SOAT2: variants seen among roughly 807,000 people sequenced by gnomAD.
SOAT2 encodes the protein ACAT-2.
In SOAT2, 87 loss-of-function variants were observed where a neutral mutation model predicts 76.0. The observed-to-expected ratio is 1.14, with a 90% confidence interval of 0.96 to 1.37. The LOEUF is 1.37. SOAT2 is among the 40% of genes most tolerant of loss of function. SOAT2 has a pLI of 0.00. For missense variants in SOAT2, 686 were observed against 682.1 expected, an observed-to-expected ratio of 1.01 and a Z score of -0.06; for synonymous variants, 285 against 275.4, an observed-to-expected ratio of 1.03 and a Z score of -0.34.
At chr12:53,104,969 C>T (rs1937906392) in intron 2 of SOAT2, 138 bp from the exon 3 acceptor site, 1 of 985,294 alleles carries the variant, frequency 1.0e-6, no homozygotes. Flanking sequence ...AACCCCCATC[C>T]CTGCTGACCC....
intron 10 of SOAT2, among the ~76,000 whole-genome samples, chr12:53,120,229 G>A (rs1938169106): frequency 6.6e-6 from 1 of 152,144 alleles, no homozygotes; most frequent in Non-Finnish European, 1.5e-5. Flanking sequence ...CAGCACTTTG[G>A]GAGGCTAAGG....
In SOAT2 at chr12:53,121,354, G is replaced by A; in HGVS notation, c.1189G>A (p.Val397Met). Residue 397 changes from valine to methionine, a missense_variant, in exon 12 of 15, where the codon GTG (valine) becomes ATG (methionine). Transcript: ENST00000301466. ...FSNYYRTWNV[V>M]VHDWLYSYVY... ...CAACTACTACCGCACTTGGAACGTG[G>A]TGGTCCATGACTGGCTGTACAGCTA... is the stretch of plus-strand genomic sequence containing the variant. 1 of 1,614,188 alleles carries A rather than the reference G, an allele frequency of 6.2e-7. No individual in the cohort carries two copies. The highest frequency in any genetic ancestry group is 1.3e-5 in the African/African-American group (1 of 75,050).
chr12:53,115,715 A>G, intron 6 of SOAT2, 61 bp downstream of exon 6: 1 of 1,445,914 alleles, frequency 6.9e-7, no homozygotes, highest in Non-Finnish European at 9.1e-7. Flanking sequence ...ATCTCAGCAG[A>G]GGGGGAGTCC....
rs773548415 is a variant in SOAT2, at chr12:53,103,677, G to C, written c.82+18G>C. On this transcript the variant is annotated intron_variant, in intron 1 of 14. Coordinates refer to ENST00000301466, the MANE Select transcript of SOAT2 (RefSeq NM_003578.4). ...TGGAGATGGTGAGCCGCCCTCGGGG[G>C]TGCAGAAGGCACAGGCAAGTGGGGG... The C allele has an allele frequency of 1.3e-6, 2 of 1,509,224 alleles. No individual in the cohort carries two copies. The highest frequency in any genetic ancestry group is 2.8e-5 in the African/African-American group (2 of 72,218). 93.5% of individuals were successfully genotyped at this position (1,509,224 alleles called of 1,614,324 possible).
intron 2 of SOAT2, 142 bp from the exon 3 acceptor site, chr12:53,104,965 C>T: frequency 1.1e-6 from 1 of 940,254 alleles, no homozygotes; most frequent in Non-Finnish European, 1.5e-6. Context: ...ACTGAACCCC[C>T]ATCCCTGCTG....
At chr12:53,103,730 A>G (rs1172201623) in intron 1 of SOAT2, 71 bp downstream of exon 1, 1 of 1,238,572 alleles carries the variant, frequency 8.1e-7, no homozygotes, top group Non-Finnish European at 1.1e-6. Context: ...CGCTATGGAG[A>G]GAAGGCTCCA....
intron 5 of SOAT2, among the ~76,000 whole-genome samples, 178 bp from the exon 6 acceptor site, chr12:53,115,212 T>G (rs1938082021): frequency 6.6e-6 from 1 of 152,220 alleles, no homozygotes; most frequent in Non-Finnish European, 1.5e-5. Context: ...ATGCCATGAC[T>G]GAGTCTCCTG....
intron 13 of SOAT2, among the ~76,000 whole-genome samples, 165 bp downstream of exon 13, chr12:53,123,381 G>C (rs1467161407): frequency 6.6e-6 from 1 of 152,160 alleles, no homozygotes; most frequent in Non-Finnish European, 1.5e-5. Flanking sequence ...AGCAGGGAGG[G>C]AGGCAGCATT....
At chr12:53,103,697 T>TGG (rs781232161) in intron 1 of SOAT2, 38 bp downstream of exon 1, 4 of 1,442,214 alleles carry the variant, frequency 2.8e-6, no homozygotes, top group Non-Finnish European at 3.7e-6. Context: ...CACAGGCAAG[T>TGG]GGGGGGGAGG....
chr12:53,122,960 G>C (rs1219317357), intron 12 of SOAT2, 121 bp from the exon 13 acceptor site: 1 of 1,145,058 alleles, frequency 8.7e-7, no homozygotes, highest in Non-Finnish European at 1.2e-6. Flanking sequence ...CCGGGCGGGG[G>C]GCTGACCCCC....
At chr12:53,116,187 G>A (rs200310629) in intron 7 of SOAT2, 21 bp downstream of exon 7, 32 of 1,606,264 alleles carry the variant, frequency 2.0e-5, no homozygotes, top group Non-Finnish European at 2.6e-5. Context: ...CATCTTGCCC[G>A]GTTGTGAACT....
Position 53,115,866 on chromosome 12 carries a change from T to G in SOAT2, c.708+212T>G, listed in dbSNP as rs547090170. ...GAAGGCAAACACTGTGACACCGCCA[T>G]CACAGGAGGTTGACCGGAAGACTCC... On this transcript the variant is annotated intron_variant, in intron 6 of 14. Coordinates refer to ENST00000301466, the MANE Select transcript of SOAT2 (RefSeq NM_003578.4). 2.0e-4 allele frequency among the ~76,000 whole-genome samples: 31 copies of G among 152,308 alleles called. No individual in the cohort carries two copies. In the South Asian group the frequency reaches 3.9e-3, roughly 19 times the overall value.
intron 10 of SOAT2, among the ~76,000 whole-genome samples, chr12:53,119,942 A>G (rs1452027731): frequency 1.3e-5 from 2 of 152,172 alleles, no homozygotes; most frequent in East Asian, 3.9e-4. Context: ...CACTTCAATT[A>G]CTCTGTGAAC....
rs112745313 is a variant in SOAT2, at chr12:53,108,608, T to C, written c.443+2594T>C. On this transcript the variant is annotated intron_variant, in intron 5 of 14. Transcript: ENST00000301466. Reference sequence around the variant, plus strand: ...GACTCTGCAAAGCAAAACAAAGGACTAGCAACATTTTAAGCAAAAAGTGAA... The same window carrying C: ...GACTCTGCAAAGCAAAACAAAGGACCAGCAACATTTTAAGCAAAAAGTGAA... Among the ~76,000 whole-genome samples, 1,268 of 152,328 alleles carry C rather than the reference T, an allele frequency of 8.3e-3. 14 individuals carry two copies. Among genetic ancestry groups the C allele is most frequent in the African/African-American group, 0.029 (1,192 of 41,574 alleles).
chr12:53,123,672 G>A, intron 13 of SOAT2, 56 bp from the exon 14 acceptor site: 1 of 1,601,878 alleles, frequency 6.2e-7, no homozygotes. Context: ...TGGGAGGGAA[G>A]CCAGGGAGAC....
Position 53,103,563 on chromosome 12 carries a change from G to T in SOAT2, c.-15G>T, listed in dbSNP as rs370931140. 63 of 1,544,378 alleles carry T rather than the reference G, an allele frequency of 4.1e-5. No homozygotes were observed. The highest frequency in any genetic ancestry group is 1.7e-4 in the Middle Eastern group (1 of 6,006). On this transcript the variant is annotated 5_prime_UTR_variant, in exon 1 of 15. Transcript: ENST00000301466. ...CACGGGCAAGGGCTGCCTGCTGCCC[G>T]CTGGAGACCGCACCATGGAGCCAGG...
chr12:53,105,157 G>A lies in SOAT2; in HGVS notation c.189G>A (p.Leu63=). ...AAGCGCAGGGACAACTGAGGGAGCT[G>A]CTGGATCGGGCCATGCGGGAGGCTA... ...LEQAQGQLRE[L]LDRAMREAIQ... is the part of the protein sequence containing the mutation. The change falls in exon 3 of 15, where the codon CTG becomes CTA. Residue 63 remains leucine (L), a synonymous_variant. Transcript: ENST00000301466. 1.3e-6 allele frequency: 2 copies of A among 1,579,046 alleles called. No individual in the cohort carries two copies. The highest frequency in any genetic ancestry group is 2.3e-5 in the South Asian group (2 of 86,122).
At chr12:53,122,902 G>C (rs1028568154) in intron 12 of SOAT2, among the ~76,000 whole-genome samples, 179 bp from the exon 13 acceptor site, 6 of 152,042 alleles carry the variant, frequency 3.9e-5, no homozygotes, top group African/African-American at 1.4e-4. Context: ...CTTCCCAGTA[G>C]GGGCGGCCGG....
chr12:53,111,814 A>C (rs1275913067), intron 5 of SOAT2, among the ~76,000 whole-genome samples: 1 of 152,230 alleles, frequency 6.6e-6, no homozygotes, highest in East Asian at 1.9e-4. Flanking sequence ...TTGAAAAAGC[A>C]TTTGACTAGT....
Sources: allele counts gnomAD v4.1 joint callset (sites outside exome capture counted in the v4.1 genomes callset), GRCh38; gene constraint gnomAD v4.1.1; transcripts MANE v1.5; gene names NCBI Gene and HGNC (gene_info 2026-07-23, HGNC 2026-07-21).